Variants in METTL6 observed in about 807,000 individuals in gnomAD.
METTL6 encodes the protein tRNA N(3)-cytidine methyltransferase METTL6.
METTL6 carries 22 observed loss-of-function variants against 26.4 expected under a neutral mutation model. The ratio of observed to expected loss-of-function variants is 0.83; its 90% CI spans 0.59 to 1.19. The LOEUF is 1.19. Among genes scored for constraint, METTL6 ranks in the 50% most tolerant of loss-of-function variants. The pLI is 0.00. For missense variants in METTL6, 304 were observed against 324.8 expected, an observed-to-expected ratio of 0.94 and a Z score of 0.49; for synonymous variants, 109 against 116.2, an observed-to-expected ratio of 0.94 and a Z score of 0.40.
At chr3:15,394,197 G>A (rs1699424933) in intron 6 of METTL6, among the ~76,000 whole-genome samples, 1 of 152,196 alleles carries the variant, frequency 6.6e-6, no homozygotes, top group African/African-American at 2.4e-5. Context: ...TCTATTCAGA[G>A]ATTCAACTTC....
intron 6 of METTL6, among the ~76,000 whole-genome samples, chr3:15,398,165 G>A (rs925366495): frequency 6.6e-6 from 1 of 151,670 alleles, no homozygotes; most frequent in Non-Finnish European, 1.5e-5. Flanking sequence ...GGCTGGCCTG[G>A]CGTCAGTTGA....
At position 15,413,962 on chromosome 3, in the gene METTL6, A is replaced by AGTG; in HGVS notation, c.673+58_673+59insCAC. 5 of 1,610,724 alleles carry AGTG rather than the reference A, an allele frequency of 3.1e-6. No homozygotes were observed. In the South Asian group the frequency reaches 5.5e-5, roughly 18 times the overall value. On this transcript the variant is annotated intron_variant, in intron 5 of 5. Coordinates refer to ENST00000383790, the MANE Select transcript of METTL6 (RefSeq NM_152396.4). The stretch of plus-strand genomic sequence containing the variant: ...CCAAGCAGCCTTGCAGTGATAATGC[A>AGTG]ATCAAATAAACAGAAACAAAGAATA...
intron 6 of METTL6, among the ~76,000 whole-genome samples, chr3:15,388,364 G>A (rs568169077): frequency 6.6e-6 from 1 of 152,268 alleles, no homozygotes; most frequent in South Asian, 2.1e-4. Context: ...GCCCGCCTCG[G>A]CCTCCCAAAG....
At chr3:15,398,683 A>G (rs1348219574) in intron 6 of METTL6, among the ~76,000 whole-genome samples, 6 of 152,162 alleles carry the variant, frequency 3.9e-5, no homozygotes, top group Non-Finnish European at 5.9e-5. Context: ...CCACATCTCT[A>G]TTAAAAAGTA....
chr3:15,395,245 A>T (rs1322063230), intron 6 of METTL6, among the ~76,000 whole-genome samples: 1 of 152,096 alleles, frequency 6.6e-6, no homozygotes, highest in African/African-American at 2.4e-5. Context: ...TCCCTTTACC[A>T]TTATGTAATG....
rs1699154656 is a variant in METTL6, at chr3:15,384,982, A to C, written c.*12-795T>G. Among the ~76,000 whole-genome samples, 3 of 152,222 alleles carry C rather than the reference A, an allele frequency of 2.0e-5. No homozygotes were observed. In the South Asian group the frequency reaches 6.2e-4, roughly 32 times the overall value. On this transcript the variant is annotated intron_variant, in intron 6 of 6. Coordinates refer to the METTL6 transcript ENST00000443029. Reference sequence around the variant, plus strand: ...CTGAAGTGAGAAAGAGAAGTAGCTCAGAGAAGTCTGAAAAATGTGTGGTAT... The same window carrying C: ...CTGAAGTGAGAAAGAGAAGTAGCTCCGAGAAGTCTGAAAAATGTGTGGTAT...
exon 7 of METTL6, chr3:15,381,817 T>C (rs762723049): frequency 1.6e-4 from 25 of 152,166 alleles, no homozygotes; most frequent in Non-Finnish European, 3.4e-4. Flanking sequence ...ATGCAGCTAA[T>C]GAATATCTTT....
At chr3:15,423,400 A>G (rs545106100) in intron 3 of METTL6, among the ~76,000 whole-genome samples, 2 of 152,222 alleles carry the variant, frequency 1.3e-5, no homozygotes, top group South Asian at 4.1e-4. Context: ...CTCAAAAAAT[A>G]AACTAAAATA....
chr3:15,394,397 T>C (rs1377197993), intron 6 of METTL6, among the ~76,000 whole-genome samples: 7 of 152,218 alleles, frequency 4.6e-5, no homozygotes, highest in African/African-American at 1.7e-4. Context: ...TTTTCTACTT[T>C]ATTAGTCTTG....
chr3:15,385,280 C>T (rs1045491158), intron 6 of METTL6, among the ~76,000 whole-genome samples: 20 of 152,150 alleles, frequency 1.3e-4, no homozygotes, highest in African/African-American at 4.8e-4. Context: ...AATTTAGGAA[C>T]TGCCCCTTCT....
At position 15,424,942 on chromosome 3, in the gene METTL6, A is replaced by G. The variant is rs1451546589; in HGVS notation, c.360+13T>C. On this transcript the variant is annotated intron_variant, in intron 3 of 5. Transcript: ENST00000383790. ...AACAGAAACACAGCAGAATACATAG[A>G]TGGTGCACCAACCTTAACATATTCA... The G allele has an allele frequency of 6.2e-7, 1 of 1,613,982 alleles. No individual in the cohort carries two copies. Among genetic ancestry groups the G allele is most frequent in the South Asian group, 1.1e-5 (1 of 91,054 alleles).
intron 3 of METTL6, among the ~76,000 whole-genome samples, chr3:15,423,954 C>T (rs555432390): frequency 7.1e-4 from 108 of 152,128 alleles, no homozygotes; most frequent in African/African-American, 2.5e-3. Context: ...TACCTGTAAT[C>T]CCAGCATTTT....
intron 6 of METTL6, among the ~76,000 whole-genome samples, chr3:15,402,098 A>G (rs955020436): frequency 3.3e-5 from 5 of 152,176 alleles, no homozygotes; most frequent in Non-Finnish European, 5.9e-5. Context: ...CTGCCCAGAT[A>G]GAGCCAGATC....
Position 15,426,270 on chromosome 3 carries a change from G to A in METTL6, c.225+17C>T. On this transcript the variant is annotated intron_variant, in intron 2 of 5. Coordinates refer to ENST00000383790, the MANE Select transcript of METTL6 (RefSeq NM_152396.4). ...TTAAATGAAGAACAGCTCAGATAAGGCGTAATATTAGCTTACCTCTCTACA... is the reference window on the plus strand; with the variant it reads ...TTAAATGAAGAACAGCTCAGATAAGACGTAATATTAGCTTACCTCTCTACA... 6.2e-7 allele frequency: 1 copy of A among 1,607,004 alleles called. No individual in the cohort carries two copies. Among genetic ancestry groups the A allele is most frequent in the Non-Finnish European group, 8.5e-7 (1 of 1,173,928 alleles).
chr3:15,386,108 G>T (rs575559738), intron 6 of METTL6, among the ~76,000 whole-genome samples: 2 of 152,192 alleles, frequency 1.3e-5, no homozygotes, highest in Admixed American at 1.3e-4. Context: ...ATATGGGGTG[G>T]ATTATTCATG....
intron 6 of METTL6, among the ~76,000 whole-genome samples, chr3:15,391,526 T>C (rs556279335): frequency 4.6e-5 from 7 of 152,162 alleles, no homozygotes; most frequent in Non-Finnish European, 7.4e-5. Flanking sequence ...TATTATACTT[T>C]AAGTTTTAGG....
chr3:15,419,091 G>A (rs1575430346), intron 3 of METTL6, among the ~76,000 whole-genome samples: 1 of 151,916 alleles, frequency 6.6e-6, no homozygotes, highest in Non-Finnish European at 1.5e-5. Context: ...CCACAAGGTC[G>A]AGGCTGCAGT....
intron 6 of METTL6, among the ~76,000 whole-genome samples, chr3:15,389,932 A>G (rs2124898159): frequency 6.7e-6 from 1 of 149,814 alleles, no homozygotes; most frequent in East Asian, 2.0e-4. Context: ...AGCTCAGTGC[A>G]TCCCTGAACT....
At chr3:15,416,036 T>G (rs1375410618) in intron 3 of METTL6, 94 bp from the exon 4 acceptor site, 7 of 1,075,456 alleles carry the variant, frequency 6.5e-6, no homozygotes, top group African/African-American at 4.8e-5. Context: ...CAATTTCCAC[T>G]TGTATACATA....
Sources: allele counts gnomAD v4.1 joint callset (sites outside exome capture counted in the v4.1 genomes callset), GRCh38; gene constraint gnomAD v4.1.1; transcripts MANE v1.5; gene names NCBI Gene and HGNC (gene_info 2026-07-23, HGNC 2026-07-21).